MARCHF8: variants seen among roughly 807,000 people sequenced by gnomAD.
MARCHF8 encodes E3 ubiquitin-protein ligase MARCHF8.
Under a neutral mutation model 51.6 loss-of-function variants are expected in MARCHF8, and 40 were observed. The observed-to-expected ratio is 0.77, with a 90% CI of 0.60 to 1.01. MARCHF8 has a LOEUF of 1.01. Among genes scored for constraint, MARCHF8 ranks in the 50% least tolerant of loss-of-function variants. The pLI, the probability that MARCHF8 is intolerant of heterozygous loss-of-function variation, is 0.00. For missense variants in MARCHF8, 685 were observed against 708.6 expected (o/e 0.97, Z 0.38); for synonymous variants, 263 against 280.3 (o/e 0.94, Z 0.62).
chr10:45,594,510 G>A (rs1429629009), exon 1 of MARCHF8: 2 of 152,280 alleles, frequency 1.3e-5, no homozygotes, highest in Admixed American at 1.3e-4. Context: ...CGAGCACCGG[G>A]GCAGAGAGAC....
chr10:45,456,882 A>T lies in MARCHF8; in HGVS notation c.*1357T>A, dbSNP rs1210202710. ...GGTACAGGTGGTAATCCCTGATGAC[A>T]GAATGCACTGAGAGTGGGGCCAAGG... On this transcript the variant is annotated 3_prime_UTR_variant, in exon 8 of 8. Transcript: ENST00000453424. 6.6e-6 allele frequency: 1 copy of T among 152,280 alleles called. No homozygotes were observed. Among genetic ancestry groups the T allele is most frequent in the East Asian group, 1.9e-4 (1 of 5,204 alleles). 9.4% of individuals were successfully genotyped at this position (152,280 alleles called of 1,614,324 possible).
upstream of MARCHF8, among the ~76,000 whole-genome samples, chr10:45,538,036 T>G (rs2043998078): frequency 6.6e-6 from 1 of 152,128 alleles, no homozygotes. Flanking sequence ...TCACTCACCC[T>G]TCCAGTTTTA....
intron 2 of MARCHF8, among the ~76,000 whole-genome samples, chr10:45,518,647 A>G (rs537640084): frequency 6.6e-6 from 1 of 152,202 alleles, no homozygotes; most frequent in African/African-American, 2.4e-5. Flanking sequence ...TCCTTCCAGA[A>G]TATTAGGAGC....
rs80167916 is a variant in MARCHF8, at chr10:45,492,620, A to G, written c.103-3203T>C. ...CCTAAACACTGCTCTTTAGATGTCC[A>G]TTTATTTGGACTTAAAATATATAGT... is the stretch of plus-strand genomic sequence containing the variant. On this transcript the variant is annotated intron_variant, in intron 2 of 7. Coordinates refer to ENST00000453424, the MANE Select transcript of MARCHF8 (RefSeq NM_001282866.2). Among the ~76,000 whole-genome samples the G allele has an allele frequency of 1.8e-3, 271 of 152,310 alleles. 7 individuals are homozygous for G. The East Asian group carries it at 0.05, about 28-fold the overall frequency.
In MARCHF8 at chr10:45,570,726, G is replaced by A. The variant is rs75360565; in HGVS notation, c.-79+23509C>T. Among the ~76,000 whole-genome samples the A allele has an allele frequency of 1.0e-2, 1,522 of 152,272 alleles. 22 individuals carry two copies. The highest frequency in any genetic ancestry group is 0.017 in the Non-Finnish European group (1,181 of 68,006). On this transcript the variant is annotated intron_variant, in intron 1 of 6. Coordinates refer to the MARCHF8 transcript ENST00000319836. ...TAACAAACAAATTTTTAAGAATTAT[G>A]TCAATCTAACAAGATTCATTTAAGT...
chr10:45,548,490 C>G (rs986578612), intron 1 of MARCHF8, among the ~76,000 whole-genome samples: 3 of 152,106 alleles, frequency 2.0e-5, no homozygotes, highest in Non-Finnish European at 4.4e-5. Context: ...AGGGCCTGGA[C>G]TAATGTCTGG....
chr10:45,586,656 A>C (rs188369763), intron 1 of MARCHF8, among the ~76,000 whole-genome samples: 1 of 152,144 alleles, frequency 6.6e-6, no homozygotes, highest in African/African-American at 2.4e-5. Context: ...AGTCTTTTTC[A>C]TTTTGACCCT....
At chr10:45,470,795 T>C (rs566677844) in intron 3 of MARCHF8, among the ~76,000 whole-genome samples, 8 of 152,306 alleles carry the variant, frequency 5.3e-5, no homozygotes, top group Admixed American at 3.9e-4. Context: ...TAAACTCACT[T>C]GGTGTTTACA....
intron 1 of MARCHF8, among the ~76,000 whole-genome samples, chr10:45,576,420 C>T (rs1426745747): frequency 6.6e-6 from 1 of 152,126 alleles, no homozygotes; most frequent in African/African-American, 2.4e-5. Context: ...ATAAATACAG[C>T]ATATCTTTGC....
In MARCHF8 at chr10:45,463,593, A is replaced by C. The variant is rs1842867898; in HGVS notation, c.646T>G (p.Ser216Ala). ...NHKPLGNSKH[S>A]CVSCLSAGRS... ...CCGGCAGAAAGGCATGAAACACAAG[A>C]ATGTTTGGAATTGCCAAGAGGTTTG... Residue 216 changes from serine to alanine, a missense_variant, in exon 5 of 8, where the codon TCT becomes GCT. Coordinates refer to ENST00000453424, the MANE Select transcript of MARCHF8 (RefSeq NM_001282866.2). The C allele has an allele frequency of 6.4e-7, 1 of 1,550,586 alleles. No individual in the cohort carries two copies. Among genetic ancestry groups the C allele is most frequent in the Non-Finnish European group, 8.7e-7 (1 of 1,146,990 alleles).
intron 3 of MARCHF8, among the ~76,000 whole-genome samples, chr10:45,476,344 G>C (rs2042786743): frequency 6.6e-6 from 1 of 152,196 alleles, no homozygotes; most frequent in South Asian, 2.1e-4. Flanking sequence ...CATGAGGATT[G>C]CTTGAGGCTA....
intron 2 of MARCHF8, among the ~76,000 whole-genome samples, chr10:45,493,399 C>G: frequency 6.6e-6 from 1 of 152,296 alleles, no homozygotes; most frequent in African/African-American, 2.4e-5. Context: ...GAGATGGAAG[C>G]CTCGCTGCAT....
chr10:45,522,889 C>A (rs1008401460), intron 2 of MARCHF8, among the ~76,000 whole-genome samples: 8 of 152,236 alleles, frequency 5.3e-5, no homozygotes, highest in Non-Finnish European at 1.2e-4. Context: ...TGGCTCGTGT[C>A]TATAATACCA....
chr10:45,542,753 GGAGA>G lies in MARCHF8; in HGVS notation c.-78-9468_-78-9465del, dbSNP rs1260157920. Among the ~76,000 whole-genome samples the G allele has an allele frequency of 2.0e-5, 3 of 152,214 alleles. No homozygotes were observed. The East Asian group carries it at 5.8e-4, about 29-fold the overall frequency. ...TTGAAGGTATTCTGAAGAATTCAAT[GGAGA>G]GAAAGTATAAAAAGAATAACAGGTA... On this transcript the variant is annotated intron_variant, in intron 1 of 6. Coordinates refer to the MARCHF8 transcript ENST00000319836.
chr10:45,512,798 G>A (rs1193587481), intron 2 of MARCHF8, among the ~76,000 whole-genome samples: 2 of 152,180 alleles, frequency 1.3e-5, no homozygotes, highest in African/African-American at 2.4e-5. Flanking sequence ...GAAAGGTGGG[G>A]AAAAGATTGG....
intron 2 of MARCHF8, among the ~76,000 whole-genome samples, chr10:45,532,219 C>T (rs1159955622): frequency 6.6e-6 from 1 of 152,182 alleles, no homozygotes; most frequent in Non-Finnish European, 1.5e-5. Flanking sequence ...CTTAAAAATC[C>T]CATCAAATAG....
intron 2 of MARCHF8, among the ~76,000 whole-genome samples, chr10:45,524,949 C>T (rs1168004776): frequency 1.3e-5 from 2 of 152,228 alleles, no homozygotes; most frequent in African/African-American, 2.4e-5. Flanking sequence ...GCCCACATGG[C>T]TCTGGAGATA....
chr10:45,530,635 A>G (rs2043862761), intron 2 of MARCHF8, among the ~76,000 whole-genome samples: 1 of 152,104 alleles, frequency 6.6e-6, no homozygotes, highest in African/African-American at 2.4e-5. Flanking sequence ...AGAAAAACTT[A>G]TCCAGGCATG....
chr10:45,551,090 A>C (rs2044189136), intron 1 of MARCHF8, among the ~76,000 whole-genome samples: 2 of 152,224 alleles, frequency 1.3e-5, no homozygotes, highest in Non-Finnish European at 2.9e-5. Context: ...CAGAGAGGTC[A>C]AGTGATCCAC....
Sources: gnomAD v4.1 joint callset for allele counts (sites outside exome capture counted in the v4.1 genomes callset) on GRCh38, gnomAD v4.1.1 for gene constraint, MANE v1.5 for transcripts, NCBI Gene and HGNC (gene_info 2026-07-23, HGNC 2026-07-21) for gene names.